MTSS1: variants seen among roughly 807,000 people sequenced by gnomAD.
The protein encoded by MTSS1 is MTSS I-BAR domain containing 1, also known as protein MTSS 1.
MTSS1 carries 18 observed loss-of-function variants against 79.0 expected under a neutral mutation model. That is an observed-to-expected ratio of 0.23 (90% confidence interval 0.16 to 0.34). The LOEUF is 0.34. MTSS1 is among the 10% of genes least tolerant of loss of function. MTSS1 has a pLI of 1.00. For synonymous variants in MTSS1, 341 were observed against 368.6 expected, an observed-to-expected ratio of 0.93 and a Z score of 0.86; for missense variants, 815 against 986.2, an observed-to-expected ratio of 0.83 and a Z score of 2.33.
chr8:124,661,393 G>C (rs1822000795), intron 3 of MTSS1, among the ~76,000 whole-genome samples: 1 of 151,866 alleles, frequency 6.6e-6, no homozygotes, highest in Non-Finnish European at 1.5e-5. Flanking sequence ...ATTATTACAG[G>C]ATCTAGACAA....
rs16899737 is a variant in MTSS1 at position 124,568,264 on chromosome 8, C to T, written c.618+115G>A. The stretch of plus-strand genomic sequence containing the variant: ...TCGCTGGTCTGTACAGGAGATACCA[C>T]CATCATGATTCCTGACAGTAGATTC... On this transcript the variant is annotated intron_variant, in intron 7 of 13. Transcript: ENST00000518547. 6.9e-3 allele frequency: 8,604 copies of T among 1,249,564 alleles called. 453 individuals are homozygous for T. The African/African-American group carries it at 0.11, about 16-fold the overall frequency. The allele number at this position is 1,249,564 out of a possible 1,614,324, so 77.4% of individuals were successfully genotyped here.
chr8:124,645,162 G>A (rs1818771821), intron 3 of MTSS1, among the ~76,000 whole-genome samples: 1 of 152,262 alleles, frequency 6.6e-6, no homozygotes, highest in African/African-American at 2.4e-5. Flanking sequence ...GAGGCCAAGA[G>A]GTTGAGACTA....
intron 3 of MTSS1, among the ~76,000 whole-genome samples, chr8:124,636,278 T>C (rs778439371): frequency 3.3e-5 from 5 of 152,190 alleles, no homozygotes; most frequent in Admixed American, 6.5e-5. Flanking sequence ...TACACTTGTG[T>C]GCCACCATGC....
intron 3 of MTSS1, among the ~76,000 whole-genome samples, chr8:124,617,440 T>C (rs1412792676): frequency 1.3e-5 from 2 of 152,190 alleles, no homozygotes; most frequent in Admixed American, 6.5e-5. Flanking sequence ...GAGCCTGGAA[T>C]TCAGTTCTTT....
chr8:124,612,279 C>T (rs1176384604), intron 3 of MTSS1, among the ~76,000 whole-genome samples: 4 of 152,178 alleles, frequency 2.6e-5, no homozygotes, highest in Non-Finnish European at 5.9e-5. Context: ...GACACATCCT[C>T]ATTACAGAAA....
intron 3 of MTSS1, among the ~76,000 whole-genome samples, chr8:124,596,822 T>C (rs907486692): frequency 1.3e-5 from 2 of 152,166 alleles, no homozygotes; most frequent in Non-Finnish European, 2.9e-5. Flanking sequence ...TCTGTTGTGC[T>C]AGGCTCACGG....
chr8:124,556,438 C>T, intron 11 of MTSS1, 33 bp from the exon 12 acceptor site: 2 of 1,575,324 alleles, frequency 1.3e-6, no homozygotes, highest in Non-Finnish European at 1.7e-6. Flanking sequence ...GGAGCCAGGG[C>T]CTCTGCCTCC....
chr8:124,726,799 A>T lies in MTSS1; in HGVS notation c.72+1085T>A, dbSNP rs534812804. Among the ~76,000 whole-genome samples the T allele has an allele frequency of 2.0e-5, 3 of 152,298 alleles. No individual in the cohort carries two copies. The South Asian group carries it at 6.2e-4, about 32-fold the overall frequency. On this transcript the variant is annotated intron_variant, in intron 1 of 13. Transcript: ENST00000518547. ...AACCTGCCCACTCGTTTTGGAAGCG[A>T]GCTTTTAATTAAACACCACCTCCCC...
chr8:124,705,116 A>C (rs749553227), intron 1 of MTSS1, among the ~76,000 whole-genome samples: 9 of 152,144 alleles, frequency 5.9e-5, no homozygotes, highest in Non-Finnish European at 1.3e-4. Context: ...GTGACTCAAA[A>C]TCAACACAGA....
intron 8 of MTSS1, chr8:124,566,011 A>C (rs1013631049): frequency 6.2e-6 from 2 of 322,604 alleles, no homozygotes; most frequent in African/African-American, 4.3e-5. Flanking sequence ...AAAATCATGA[A>C]ATATCAGTCG....
At chr8:124,575,571 G>GTTT (rs11472869) in intron 6 of MTSS1, among the ~76,000 whole-genome samples, 6 of 151,616 alleles carry the variant, frequency 4.0e-5, no homozygotes, top group African/African-American at 7.3e-5. Flanking sequence ...GGTAGGGTGG[G>GTTT]TTTTTTGTTG....
chr8:124,643,330 C>T (rs1253984793), intron 3 of MTSS1, among the ~76,000 whole-genome samples: 1 of 152,080 alleles, frequency 6.6e-6, no homozygotes, highest in African/African-American at 2.4e-5. Flanking sequence ...GGGGAAATGG[C>T]CAAATAAACA....
chr8:124,639,639 T>G (rs186047139), intron 3 of MTSS1, among the ~76,000 whole-genome samples: 279 of 152,226 alleles, frequency 1.8e-3, no homozygotes, highest in African/African-American at 6.3e-3. Context: ...ATTTTTTGTA[T>G]TTTTAGTAGA....
chr8:124,685,595 C>T (rs1826832830), intron 3 of MTSS1, among the ~76,000 whole-genome samples: 1 of 152,066 alleles, frequency 6.6e-6, no homozygotes, highest in Non-Finnish European at 1.5e-5. Flanking sequence ...GAGGGCATTC[C>T]GAGTGTGTGT....
chr8:124,599,486 A>G lies in MTSS1; in HGVS notation c.209-8251T>C, dbSNP rs1833382875. 9.0e-5 allele frequency among the ~76,000 whole-genome samples: 7 copies of G among 77,796 alleles called. No individual in the cohort carries two copies. The South Asian group carries it at 2.5e-3, about 28-fold the overall frequency. The allele number at this position is 77,796 out of a possible 152,430, so 51.0% of individuals were successfully genotyped here. On this transcript the variant is annotated intron_variant, in intron 3 of 13. Coordinates refer to ENST00000518547, the MANE Select transcript of MTSS1 (RefSeq NM_014751.6). Reference sequence around the variant, plus strand: ...GGACAGAATGAGACTCCGTCTCAAAAAAAAAAAAAAAAAAAAGAGAGAGAG... The same window carrying G: ...GGACAGAATGAGACTCCGTCTCAAAGAAAAAAAAAAAAAAAAGAGAGAGAG...
chr8:124,646,236 G>A (rs766409195), intron 3 of MTSS1, among the ~76,000 whole-genome samples: 2 of 152,152 alleles, frequency 1.3e-5, no homozygotes, highest in Non-Finnish European at 2.9e-5. Context: ...ATAAGCCTTA[G>A]TCTTTTATTT....
intron 6 of MTSS1, among the ~76,000 whole-genome samples, chr8:124,581,244 A>C (rs1474979765): frequency 2.0e-5 from 3 of 150,074 alleles, no homozygotes; most frequent in East Asian, 2.0e-4. Flanking sequence ...CCTGAAGCCC[A>C]GGAGTTTGAG....
intron 5 of MTSS1, among the ~76,000 whole-genome samples, chr8:124,586,607 C>A (rs143602500): frequency 6.6e-6 from 1 of 152,118 alleles, no homozygotes; most frequent in Non-Finnish European, 1.5e-5. Context: ...GAGTGGGTTG[C>A]GTGTGGCTGC....
At chr8:124,693,011 G>A (rs1436782375) in intron 3 of MTSS1, among the ~76,000 whole-genome samples, 1 of 152,080 alleles carries the variant, frequency 6.6e-6, no homozygotes, top group South Asian at 2.1e-4. Flanking sequence ...CCGAGGCCCT[G>A]AGCAAGGACC....
Sources: gnomAD v4.1 joint callset for allele counts (sites outside exome capture counted in the v4.1 genomes callset) on GRCh38, gnomAD v4.1.1 for gene constraint, MANE v1.5 for transcripts, NCBI Gene and HGNC (gene_info 2026-07-23, HGNC 2026-07-21) for gene names.